PRDM10: variants seen among roughly 807,000 people sequenced by gnomAD.
The protein encoded by PRDM10 is PR domain zinc finger protein 10.
In PRDM10, 65 loss-of-function variants were observed where a neutral mutation model predicts 133.1. The ratio of observed to expected loss-of-function variants is 0.49; its 90% confidence interval spans 0.40 to 0.60. The LOEUF is 0.60. Among genes scored for constraint, PRDM10 ranks in the 20% least tolerant of loss-of-function variants. The pLI is 0.00. For missense variants in PRDM10, 1,137 were observed against 1,507.1 expected, an observed-to-expected ratio of 0.75 and a Z score of 4.07; for synonymous variants, 582 against 580.4, an observed-to-expected ratio of 1.00 and a Z score of -0.04.
intron 19 of PRDM10, among the ~76,000 whole-genome samples, chr11:129,909,792 C>T (rs1161662): frequency 0.76 from 115,198 of 152,074 alleles, 46,711 homozygotes; most frequent in East Asian, 0.9. Context: ...TTCCACAGCA[C>T]GAATCTCAGG....
chr11:129,913,525 C>A lies in PRDM10; in HGVS notation c.2841+1179G>T, dbSNP rs141949854. Among the ~76,000 whole-genome samples the A allele has an allele frequency of 3.2e-4, 49 of 152,270 alleles. No homozygotes were observed. In the East Asian group the frequency reaches 9.4e-3, roughly 29 times the overall value. On this transcript the variant is annotated intron_variant, in intron 17 of 20. Coordinates refer to ENST00000360871, the MANE Select transcript of PRDM10 (RefSeq NM_199437.2). ...CTACCCTTTATCAATTAAAAGAGAT[C>A]AAAGAAATTCGTTTTTAGTTTGTCA...
chr11:129,932,383 A>G (rs1344485513), intron 9 of PRDM10, 152 bp from the exon 10 acceptor site: 1 of 958,624 alleles, frequency 1.0e-6, no homozygotes, highest in Non-Finnish European at 1.5e-6. Flanking sequence ...CTGTTTTACT[A>G]ATATACACTT....
In PRDM10 at chr11:129,942,481, C is replaced by T. The variant is rs541146428; in HGVS notation, c.911G>A (p.Gly304Asp). 2.5e-6 allele frequency: 4 copies of T among 1,613,976 alleles called. No homozygotes were observed. The highest frequency in any genetic ancestry group is 3.4e-6 in the Non-Finnish European group (4 of 1,180,032). Reference protein sequence around the residue: ...LEQNLVAYQYGHHVYYTTIKN... With the variant: ...LEQNLVAYQYDHHVYYTTIKN... The stretch of plus-strand genomic sequence containing the variant: ...TATGGTTGTATAATACACATGGTGG[C>T]CATACTGGTAAGCCACCAGGTTCTG... The change falls in exon 7 of 21, where the codon GGC becomes GAC. Residue 304 changes from glycine (G) to aspartate (D), a missense_variant. Gly to Asp is a moderately conservative substitution (Grantham distance 94). Transcript: ENST00000360871.
rs918787432 is a variant in PRDM10, at chr11:129,947,305, C to T, written c.360G>A (p.Leu120=). 2.5e-6 allele frequency: 4 copies of T among 1,613,778 alleles called. No individual in the cohort carries two copies. The highest frequency in any genetic ancestry group is 2.5e-6 in the Non-Finnish European group (3 of 1,179,948). ...SIESVDGSDP[L]ATLQTPLGRL... ...TGCCTAGAGGGGTCTGCAGAGTTGC[C>T]AAAGGGTCGGACCCATCTACACTCT... Residue 120 remains leucine, a synonymous_variant, in exon 5 of 21, where the codon TTG becomes TTA. Coordinates refer to ENST00000360871, the MANE Select transcript of PRDM10 (RefSeq NM_199437.2). This position sits in a 1 kb window ranked among gnomAD's most constrained non-coding sequence, Gnocchi z 4.6.
At position 129,935,219 on chromosome 11, in the gene PRDM10, C is replaced by T; in HGVS notation, c.1040-1G>A. 4 of 1,610,630 alleles carry T rather than the reference C, an allele frequency of 2.5e-6. No homozygotes were observed. The highest frequency in any genetic ancestry group is 3.4e-6 in the Non-Finnish European group (4 of 1,176,906). ...CAATTCTTCTCTTGCTCTCGAAGAA[C>T]TACAGTCACAGGAGAGAAATCATAA... On this transcript the variant is annotated splice_acceptor_variant, in intron 8 of 20. Coordinates refer to ENST00000360871, the MANE Select transcript of PRDM10 (RefSeq NM_199437.2). LOFTEE classifies it high-confidence loss of function.
intron 1 of PRDM10, among the ~76,000 whole-genome samples, chr11:129,986,482 C>A (rs562603814): frequency 1.3e-5 from 2 of 152,282 alleles, no homozygotes; most frequent in South Asian, 4.2e-4. Context: ...CTCTGCCTCC[C>A]AGGTTCAAGC....
chr11:129,910,167 A>T (rs895933131), intron 19 of PRDM10, among the ~76,000 whole-genome samples: 2 of 152,242 alleles, frequency 1.3e-5, no homozygotes, highest in African/African-American at 2.4e-5. Context: ...ATAGACAGGC[A>T]TTCTACAAAT....
intron 11 of PRDM10, among the ~76,000 whole-genome samples, chr11:129,930,010 A>C (rs1950802518): frequency 6.6e-6 from 1 of 152,198 alleles, no homozygotes; most frequent in South Asian, 2.1e-4. Context: ...GCTCTCATAA[A>C]GGCTGTTTAG....
chr11:129,920,633 G>A (rs531638520), intron 13 of PRDM10, among the ~76,000 whole-genome samples: 4 of 151,726 alleles, frequency 2.6e-5, no homozygotes, highest in African/African-American at 4.8e-5. Context: ...TCTCCCGAAC[G>A]TGGCATCACC....
Position 129,931,055 on chromosome 11 carries a change from C to A in PRDM10, c.1491G>T (p.Thr497=). 1.2e-6 allele frequency: 2 copies of A among 1,614,020 alleles called. No individual in the cohort carries two copies. Among genetic ancestry groups the A allele is most frequent in the Non-Finnish European group, 8.5e-7 (1 of 1,179,962 alleles). ...CTCTGCGCATGTCGTCGGCTGTCAG[C>A]GTGCTCTGGGTGGGCACCACGCTCT... ...HEESVVPTQS[T]LTADDMRRAK... The change falls in exon 11 of 21, where the codon ACG becomes ACT. Residue 497 remains threonine (T), a synonymous_variant. Coordinates refer to ENST00000360871, the MANE Select transcript of PRDM10 (RefSeq NM_199437.2).
chr11:129,996,812 G>A (rs1939090707), intron 1 of PRDM10, among the ~76,000 whole-genome samples: 1 of 115,672 alleles, frequency 8.6e-6, no homozygotes, highest in Admixed American at 9.6e-5. Context: ...AGAACTGTGT[G>A]CTTTGTTATT....
chr11:129,973,331 G>C (rs1267300734), intron 1 of PRDM10, among the ~76,000 whole-genome samples: 1 of 152,210 alleles, frequency 6.6e-6, no homozygotes, highest in African/African-American at 2.4e-5. Context: ...AGTTAAGCTA[G>C]TTGGCAATGA....
At chr11:129,933,027 G>A (rs1035922441) in intron 9 of PRDM10, among the ~76,000 whole-genome samples, 11 of 152,090 alleles carry the variant, frequency 7.2e-5, no homozygotes, top group Admixed American at 5.9e-4. Context: ...CCCAAAGTGC[G>A]GGGATTACAG....
At chr11:129,928,161 T>C (rs1325218639) in intron 11 of PRDM10, among the ~76,000 whole-genome samples, 1 of 148,956 alleles carries the variant, frequency 6.7e-6, no homozygotes, top group Non-Finnish European at 1.5e-5. Flanking sequence ...GCTGGAGTGT[T>C]ATGGCATGAT....
At chr11:129,993,333 C>G (rs1938851479) in intron 1 of PRDM10, among the ~76,000 whole-genome samples, 1 of 152,140 alleles carries the variant, frequency 6.6e-6, no homozygotes, top group Admixed American at 6.5e-5. Flanking sequence ...TGAGTATCTT[C>G]CTATATTAAT....
chr11:129,953,907 AAT>A (rs1181679804), intron 4 of PRDM10, among the ~76,000 whole-genome samples: 1 of 147,706 alleles, frequency 6.8e-6, no homozygotes, highest in Non-Finnish European at 1.5e-5. Flanking sequence ...AATATATAAA[AAT>A]ATATATATTA....
intron 1 of PRDM10, among the ~76,000 whole-genome samples, chr11:129,999,395 TC>T (rs1275922037): frequency 2.0e-5 from 3 of 152,200 alleles, no homozygotes; most frequent in African/African-American, 7.2e-5. Context: ...CCTTCATTAA[TC>T]TATTAAAGTA....
Position 129,912,170 on chromosome 11 carries a change from T to C in PRDM10, c.2897A>G (p.Asp966Gly). The C allele has an allele frequency of 6.2e-7, 1 of 1,611,764 alleles. No homozygotes were observed. Among genetic ancestry groups the C allele is most frequent in the Non-Finnish European group, 8.5e-7 (1 of 1,178,796 alleles). Residue 966 changes from aspartate to glycine, a missense_variant, in exon 18 of 21, where the codon GAT becomes GGT. Physicochemically the swap from Asp to Gly is moderately conservative, Grantham distance 94 (BLOSUM62 -1). Around this residue, in one of 6 missense-constraint regions of PRDM10, gnomAD observed 243 missense variants for 259.2 expected, o/e 0.94. Transcript: ENST00000360871. ...QSTVDVGQLHDPQPYPQHAIQ... is the reference protein window; with the variant it reads ...QSTVDVGQLHGPQPYPQHAIQ... ...GGCGTGCTGGGGGTAGGGCTGAGGA[T>C]CATGGAGCTGGCCAACATCCACAGT...
intron 3 of PRDM10, among the ~76,000 whole-genome samples, chr11:129,956,137 A>T (rs1951692457): frequency 6.6e-6 from 1 of 152,194 alleles, no homozygotes; most frequent in Non-Finnish European, 1.5e-5. Flanking sequence ...AAAAAAAAAA[A>T]TTAATCATCA....
Sources: gnomAD v4.1 joint callset for allele counts (sites outside exome capture counted in the v4.1 genomes callset) on GRCh38, gnomAD v4.1.1 for gene constraint, gnomAD v4.1.1 regional missense constraint, Gnocchi (gnomAD v3.1) non-coding constraint, MANE v1.5 for transcripts, NCBI Gene and HGNC (gene_info 2026-07-23, HGNC 2026-07-21) for gene names.